The following FTCDNL1 variants were observed in gnomAD, a reference collection of about 807,000 sequenced individuals.
FTCDNL1 encodes formiminotransferase cyclodeaminase N-terminal like, also known as formiminotransferase N-terminal subdomain-containing protein.
FTCDNL1 carries 11 observed loss-of-function variants against 5.9 expected under a neutral mutation model. The observed-to-expected ratio is 1.87, with a 90% CI of 1.18 to 3.10. The LOEUF (loss-of-function observed/expected upper bound fraction) is 3.10, where lower values mean the gene tolerates loss of function less well. Among genes scored for constraint, FTCDNL1 ranks in the 30% most tolerant of loss-of-function variants. The pLI is 0.00. For missense variants in FTCDNL1, 115 were observed against 65.5 expected (o/e 1.76, Z -2.61); for synonymous variants, 58 against 24.8 (o/e 2.34, Z -3.99).
At chr2:199,756,139 A>AT (rs1413970073), downstream of FTCDNL1, among the ~76,000 whole-genome samples, 1 of 152,212 alleles carries the variant, frequency 6.6e-6, no homozygotes, top group Non-Finnish European at 1.5e-5. Flanking sequence ...TATGCATTTC[A>AT]TTGGGGTAAT....
chr2:199,827,498 G>T (rs1702107620), intron 3 of FTCDNL1, among the ~76,000 whole-genome samples: 2 of 151,974 alleles, frequency 1.3e-5, no homozygotes. Flanking sequence ...CATTTTGTTG[G>T]GTGTGATGGT....
In FTCDNL1 at chr2:199,847,958, T is replaced by C. The variant is rs182206951; in HGVS notation, c.115+890A>G. ...AACTTAAATGTGCTCACAGTTAAGA[T>C]GGGTTGGGGGAAAACACTTCTTTCT... On this transcript the variant is annotated intron_variant, in intron 2 of 4. Transcript: ENST00000420128. Among the ~76,000 whole-genome samples, 4 of 152,326 alleles carry C rather than the reference T, an allele frequency of 2.6e-5. No individual in the cohort carries two copies. In the East Asian group the frequency reaches 7.7e-4, roughly 29 times the overall value.
the FTCDNL1 span, among the ~76,000 whole-genome samples, chr2:199,668,907 G>A: frequency 6.6e-6 from 1 of 152,128 alleles, no homozygotes; most frequent in Non-Finnish European, 1.5e-5. Flanking sequence ...GGGAATCCCA[G>A]ATACAGTGTA....
At chr2:199,690,512 T>C in the FTCDNL1 span, among the ~76,000 whole-genome samples, 1 of 152,220 alleles carries the variant, frequency 6.6e-6, no homozygotes, top group Admixed American at 6.5e-5. Context: ...TCTGCCTTTC[T>C]GTGATTAGCA....
intron 3 of FTCDNL1, among the ~76,000 whole-genome samples, chr2:199,779,480 T>C (rs1404529852): frequency 2.0e-5 from 3 of 152,198 alleles, no homozygotes; most frequent in Non-Finnish European, 4.4e-5. Flanking sequence ...GAGAGGATTC[T>C]GGGAACACAG....
chr2:199,738,299 T>C, the FTCDNL1 span, among the ~76,000 whole-genome samples: 2 of 152,206 alleles, frequency 1.3e-5, no homozygotes, highest in East Asian at 3.8e-4. Flanking sequence ...GTTTTAGTTG[T>C]TTGATTTTTA....
At chr2:199,779,612 G>C (rs1036769395) in intron 3 of FTCDNL1, among the ~76,000 whole-genome samples, 1 of 152,172 alleles carries the variant, frequency 6.6e-6, no homozygotes, top group South Asian at 2.1e-4. Context: ...GCAAAAAAGC[G>C]ATGTGCCTCC....
intron 3 of FTCDNL1, among the ~76,000 whole-genome samples, chr2:199,832,475 T>C (rs1479451390): frequency 1.3e-5 from 2 of 152,216 alleles, no homozygotes; most frequent in African/African-American, 4.8e-5. Flanking sequence ...TTTCATAATA[T>C]TTCTCTGAAA....
downstream of FTCDNL1, among the ~76,000 whole-genome samples, chr2:199,759,468 C>A (rs771185543): frequency 4.2e-4 from 64 of 151,958 alleles, no homozygotes; most frequent in African/African-American, 1.5e-3. Context: ...AGATTCCTAG[C>A]CTGCCAAACA....
chr2:199,812,496 C>T lies in FTCDNL1; in HGVS notation c.*209G>A. On this transcript the variant is annotated 3_prime_UTR_variant, in exon 5 of 5. Coordinates refer to ENST00000420128, the MANE Select transcript of FTCDNL1 (RefSeq NM_001363886.2). ...TTTTAAATGAGAGAGATAATTAATC[C>T]CAGCAAATCGTATTTCTAGTTAAAT... 4.6e-6 allele frequency: 2 copies of T among 437,278 alleles called. No individual in the cohort carries two copies. Among genetic ancestry groups the T allele is most frequent in the South Asian group, 6.2e-5 (1 of 16,074 alleles). 27.1% of individuals were successfully genotyped at this position (437,278 alleles called of 1,614,324 possible).
the FTCDNL1 span, among the ~76,000 whole-genome samples, chr2:199,746,684 G>C: frequency 1.2e-3 from 183 of 151,704 alleles, 1 homozygote; most frequent in African/African-American, 4.3e-3. Context: ...ACTAGCAAGA[G>C]GCCCTGAACC....
At chr2:199,692,932 G>C in the FTCDNL1 span, among the ~76,000 whole-genome samples, 2 of 152,188 alleles carry the variant, frequency 1.3e-5, no homozygotes, top group African/African-American at 4.8e-5. Context: ...AAAGAAAATG[G>C]CTGTGTTTTC....
the FTCDNL1 span, among the ~76,000 whole-genome samples, chr2:199,731,198 T>G: frequency 6.6e-6 from 1 of 151,180 alleles, no homozygotes; most frequent in Admixed American, 6.6e-5. Context: ...TGTCGAGGGG[T>G]TGGGGTAAAG....
chr2:199,672,036 G>T, the FTCDNL1 span, among the ~76,000 whole-genome samples: 25 of 152,264 alleles, frequency 1.6e-4, no homozygotes, highest in African/African-American at 6.0e-4. Flanking sequence ...TCACAGAAAA[G>T]ATGATATGCT....
chr2:199,725,828 C>T, the FTCDNL1 span, among the ~76,000 whole-genome samples: 2 of 152,104 alleles, frequency 1.3e-5, no homozygotes, highest in Non-Finnish European at 2.9e-5. Context: ...TTTTTTCCTT[C>T]ATTCTGACCT....
intron 3 of FTCDNL1, among the ~76,000 whole-genome samples, chr2:199,842,506 G>T (rs915989530): frequency 6.6e-6 from 1 of 152,090 alleles, no homozygotes; most frequent in Non-Finnish European, 1.5e-5. Context: ...ATGTGTGAGT[G>T]TATGTCTCTA....
At chr2:199,681,817 G>C in the FTCDNL1 span, among the ~76,000 whole-genome samples, 2 of 152,066 alleles carry the variant, frequency 1.3e-5, no homozygotes, top group African/African-American at 4.8e-5. Flanking sequence ...TATTAATCAT[G>C]TAGCGTCGTC....
At chr2:199,760,685 C>T (rs370267766) in exon 4 of FTCDNL1, 22 of 626,840 alleles carry the variant, frequency 3.5e-5, no homozygotes, top group Middle Eastern at 2.5e-4. Context: ...TATAATTTTC[C>T]ATCTTTTTAA....
the FTCDNL1 span, among the ~76,000 whole-genome samples, chr2:199,698,623 AG>A: frequency 6.6e-6 from 1 of 152,204 alleles, no homozygotes; most frequent in African/African-American, 2.4e-5. Context: ...ACACAGCTAA[AG>A]CAGTGTTGAG....
Sources: allele counts gnomAD v4.1 joint callset (sites outside exome capture counted in the v4.1 genomes callset), GRCh38; gene constraint gnomAD v4.1.1; transcripts MANE v1.5; gene names NCBI Gene and HGNC (gene_info 2026-07-23, HGNC 2026-07-21).